The following ADGRA3 variants were observed in gnomAD, a reference collection of about 807,000 sequenced individuals.
ADGRA3 encodes G-protein coupled receptor 125.
A neutral mutation model predicts 119.8 loss-of-function variants in ADGRA3; 56 were observed. The ratio of observed to expected loss-of-function variants is 0.47; its 90% confidence interval spans 0.38 to 0.58. The LOEUF (loss-of-function observed/expected upper bound fraction) is 0.58. ADGRA3 is among the 20% of genes least tolerant of loss of function. The pLI, the probability that ADGRA3 is intolerant of heterozygous loss-of-function variation, is 0.00. For synonymous variants in ADGRA3, 607 were observed against 623.8 expected, an observed-to-expected ratio of 0.97 and a Z score of 0.40; for missense variants, 1,516 against 1,649.0, an observed-to-expected ratio of 0.92 and a Z score of 1.40.
rs1407946886 is a variant in ADGRA3, at chr4:22,515,907, G to A, written c.-123C>T. 1.7e-6 allele frequency: 1 copy of A among 592,108 alleles called. No individual in the cohort carries two copies. The highest frequency in any genetic ancestry group is 2.1e-6 in the Non-Finnish European group (1 of 471,412). 36.7% of individuals were successfully genotyped at this position (592,108 alleles called of 1,614,324 possible). A position where few individuals can be genotyped will look rare whatever the true frequency, so the allele number is the denominator to read the frequency against. On this transcript the variant is annotated 5_prime_UTR_variant, in exon 1 of 19. Transcript: ENST00000334304. ...GACCGGAGCCTTATGGCGGCCGGAG[G>A]ACGGGCCTTCCCCGGCGCGGACATG...
In ADGRA3 at chr4:22,438,426, TAAAG is replaced by T. The variant is rs774549377; in HGVS notation, c.921-10_921-7del. ...TATTAGAAATGGTTAGGGCACTGCA[TAAAG>T]AAAGATTTTAAAAAGAGAGAAAATA... is the stretch of plus-strand genomic sequence containing the variant. On this transcript the variant is annotated splice_region_variant and splice_polypyrimidine_tract_variant and intron_variant, in intron 7 of 18. Transcript: ENST00000334304. 15 of 1,606,966 alleles carry T rather than the reference TAAAG, an allele frequency of 9.3e-6. No individual in the cohort carries two copies. The highest frequency in any genetic ancestry group is 5.5e-5 in the South Asian group (5 of 90,256).
chr4:22,408,052 C>T (rs543447145), intron 14 of ADGRA3, among the ~76,000 whole-genome samples: 16 of 152,014 alleles, frequency 1.1e-4, no homozygotes, highest in African/African-American at 2.6e-4. Context: ...TGTTAAAAGA[C>T]GACTATGACT....
intron 14 of ADGRA3, among the ~76,000 whole-genome samples, chr4:22,409,781 GC>G (rs1715114580): frequency 6.6e-6 from 1 of 152,066 alleles, no homozygotes; most frequent in African/African-American, 2.4e-5. Flanking sequence ...CAACCTTTGT[GC>G]AAAAATGCAA....
chr4:22,479,196 G>T (rs931927590), intron 1 of ADGRA3, among the ~76,000 whole-genome samples: 2 of 152,266 alleles, frequency 1.3e-5, no homozygotes, highest in South Asian at 4.2e-4. Context: ...GGGCACGGTG[G>T]CTCACGCCTG....
In ADGRA3 at chr4:22,433,947, C is replaced by T. The variant is rs1421358874; in HGVS notation, c.1443+1364G>A. ...ATCATGGCCCCTGAAGTTCAGAAAA[C>T]AAATGAAATGTTATCCCGCTGACAA... On this transcript the variant is annotated intron_variant, in intron 10 of 18. Coordinates refer to ENST00000334304, the MANE Select transcript of ADGRA3 (RefSeq NM_145290.4). 3.3e-5 allele frequency among the ~76,000 whole-genome samples: 5 copies of T among 152,172 alleles called. 1 individual carries two copies. The Middle Eastern group carries it at 0.014, about 414-fold the overall frequency.
intron 2 of ADGRA3, among the ~76,000 whole-genome samples, chr4:22,472,316 G>C (rs1717884468): frequency 6.6e-6 from 1 of 152,152 alleles, no homozygotes; most frequent in Non-Finnish European, 1.5e-5. Context: ...GGTCCTCCCA[G>C]GCTTCCTGTC....
chr4:22,440,488 T>C (rs975654148), intron 7 of ADGRA3, among the ~76,000 whole-genome samples: 1 of 152,254 alleles, frequency 6.6e-6, no homozygotes, highest in African/African-American at 2.4e-5. Flanking sequence ...TGGGGCAAAA[T>C]CTAGGTAAAG....
chr4:22,388,322 T>G lies in ADGRA3; in HGVS notation c.3349A>C (p.Asn1117His). The change falls in exon 19 of 19, where the codon AAC becomes CAC. Residue 1117 changes from asparagine to histidine, a missense_variant. Asn to His is a moderately conservative substitution (Grantham distance 68). This residue lies in a region of ADGRA3 where 1,088 missense variants were observed against 1,107.1 expected (regional missense o/e 0.98). Coordinates refer to ENST00000334304, the MANE Select transcript of ADGRA3 (RefSeq NM_145290.4). ...CACTGAGCTGCAGCCGCCTGCAAGTTTGTTAATTTGCAGCCCTGGGAGGAA... is the reference window on the plus strand; with the variant it reads ...CACTGAGCTGCAGCCGCCTGCAAGTGTGTTAATTTGCAGCCCTGGGAGGAA... ...KNSSQGCKLT[N>H]LQAAAAQCHA... 6.2e-7 allele frequency: 1 copy of G among 1,614,070 alleles called. No individual in the cohort carries two copies. The highest frequency in any genetic ancestry group is 8.5e-7 in the Non-Finnish European group (1 of 1,179,990).
At chr4:22,423,534 C>T (rs749137564) in intron 11 of ADGRA3, among the ~76,000 whole-genome samples, 46 of 151,904 alleles carry the variant, frequency 3.0e-4, no homozygotes, top group African/African-American at 9.2e-4. Context: ...CTTTTTAGGA[C>T]GAAAAAGTAA....
chr4:22,493,580 T>G (rs1319925642), intron 1 of ADGRA3, among the ~76,000 whole-genome samples: 1 of 152,200 alleles, frequency 6.6e-6, no homozygotes, highest in Non-Finnish European at 1.5e-5. Flanking sequence ...CCAACCTTTT[T>G]GTGCATTGGG....
At chr4:22,488,048 C>T (rs1180619309) in intron 1 of ADGRA3, among the ~76,000 whole-genome samples, 2 of 152,256 alleles carry the variant, frequency 1.3e-5, no homozygotes, top group African/African-American at 4.8e-5. Flanking sequence ...CAAGTGATCC[C>T]TGCTCTGACC....
intron 1 of ADGRA3, among the ~76,000 whole-genome samples, chr4:22,509,927 G>A (rs562407594): frequency 2.0e-5 from 3 of 149,078 alleles, no homozygotes; most frequent in East Asian, 2.0e-4. Context: ...GGAGAATGGC[G>A]TGAACCCGGG....
intron 2 of ADGRA3, chr4:22,473,362 T>A (rs1717925121): frequency 6.4e-6 from 1 of 157,048 alleles, no homozygotes; most frequent in Non-Finnish European, 1.4e-5. Context: ...CAACACAGCA[T>A]CAATGCTTTA....
At chr4:22,445,693 G>A (rs914151641) in intron 5 of ADGRA3, among the ~76,000 whole-genome samples, 1 of 152,158 alleles carries the variant, frequency 6.6e-6, no homozygotes, top group East Asian at 1.9e-4. Flanking sequence ...GACCCCTCCT[G>A]CTATGTGCCA....
At chr4:22,437,747 A>G (rs1205550829) in intron 8 of ADGRA3, among the ~76,000 whole-genome samples, 1 of 152,154 alleles carries the variant, frequency 6.6e-6, no homozygotes, top group African/African-American at 2.4e-5. Flanking sequence ...AACAGCTTTC[A>G]TTTCCCAAAG....
intron 3 of ADGRA3, chr4:22,455,879 T>C (rs1446676308): frequency 2.5e-6 from 3 of 1,206,436 alleles, no homozygotes; most frequent in Non-Finnish European, 3.3e-6. Context: ...CCTAAAACAA[T>C]GAATCTTAAG....
intron 1 of ADGRA3, among the ~76,000 whole-genome samples, chr4:22,503,399 G>A (rs541532127): frequency 2.6e-5 from 4 of 152,306 alleles, no homozygotes; most frequent in African/African-American, 9.6e-5. Context: ...ATGCTTTTAA[G>A]TCTTATCTTG....
chr4:22,452,334 T>G (rs2109088072), intron 4 of ADGRA3, among the ~76,000 whole-genome samples: 1 of 152,236 alleles, frequency 6.6e-6, no homozygotes, highest in East Asian at 1.9e-4. Context: ...CTAAAAGCCC[T>G]GACTTGACCA....
At position 22,413,739 on chromosome 4, in the gene ADGRA3, T is replaced by C. The variant is rs201067452; in HGVS notation, c.1885A>G (p.Thr629Ala). Reference sequence around the variant, plus strand: ...TGAAGCTTGTAAAGAGAGTCATCAGTTGGTCTGAGTTCTCTTTTTTGCTTT... The same window carrying C: ...TGAAGCTTGTAAAGAGAGTCATCAGCTGGTCTGAGTTCTCTTTTTTGCTTT... The part of the protein sequence containing the change: ...SPKQKRELRP[T>A]DDSLYKLQLI... The change falls in exon 13 of 19, where the codon ACT (threonine) becomes GCT (alanine). Residue 629 changes from threonine (T) to alanine (A), a missense_variant. This residue lies in a region of ADGRA3 where 1,088 missense variants were observed against 1,107.1 expected (regional missense o/e 0.98). Coordinates refer to ENST00000334304, the MANE Select transcript of ADGRA3 (RefSeq NM_145290.4). 80 of 1,613,882 alleles carry C rather than the reference T, an allele frequency of 5.0e-5. No individual in the cohort carries two copies. The highest frequency in any genetic ancestry group is 1.6e-4 in the East Asian group (7 of 44,854).
Sources: gnomAD v4.1 joint callset for allele counts (sites outside exome capture counted in the v4.1 genomes callset) on GRCh38, gnomAD v4.1.1 for gene constraint, gnomAD v4.1.1 regional missense constraint, MANE v1.5 for transcripts, NCBI Gene and HGNC (gene_info 2026-07-23, HGNC 2026-07-21) for gene names.